Variants in CDH4 observed in about 807,000 individuals in gnomAD.
CDH4 encodes cadherin-4.
Under a neutral mutation model 86.0 loss-of-function variants are expected in CDH4, and 33 were observed. The observed-to-expected ratio is 0.38, with a 90% CI of 0.29 to 0.51. The LOEUF (loss-of-function observed/expected upper bound fraction) is 0.51. CDH4 is among the 20% of genes least tolerant of loss of function. The pLI, the probability that CDH4 is intolerant of heterozygous loss-of-function variation, is 0.86. For synonymous variants in CDH4, 555 were observed against 549.4 expected, an observed-to-expected ratio of 1.01 and a Z score of -0.14; for missense variants, 1,114 against 1,307.4, an observed-to-expected ratio of 0.85 and a Z score of 2.28.
intron 6 of CDH4, among the ~76,000 whole-genome samples, chr20:61,864,217 C>T (rs1983447363): frequency 6.6e-6 from 1 of 152,176 alleles, no homozygotes; most frequent in South Asian, 2.1e-4. Flanking sequence ...AGGGCCAGGG[C>T]AGGGCTGCTG....
chr20:61,800,326 G>A (rs917762495), intron 4 of CDH4, among the ~76,000 whole-genome samples: 4 of 152,192 alleles, frequency 2.6e-5, no homozygotes, highest in East Asian at 1.9e-4. Flanking sequence ...GCAGTTCTGC[G>A]TAGCCGACTC....
At chr20:61,729,411 T>G (rs2088152239) in intron 2 of CDH4, among the ~76,000 whole-genome samples, 1 of 152,202 alleles carries the variant, frequency 6.6e-6, no homozygotes, top group Non-Finnish European at 1.5e-5. Context: ...GGCCCCCTCT[T>G]CTGTATCTCC....
At chr20:61,318,899 G>A (rs76061779) in intron 2 of CDH4, among the ~76,000 whole-genome samples, 12,370 of 152,276 alleles carry the variant, frequency 0.081, 713 homozygotes, top group Non-Finnish European at 0.12. Context: ...CACAGATGCC[G>A]GTGGTAGAGA....
chr20:61,589,825 TAAA>T, intron 2 of CDH4, among the ~76,000 whole-genome samples: 1 of 133,388 alleles, frequency 7.5e-6, no homozygotes, highest in African/African-American at 2.7e-5. Flanking sequence ...TAATAATAAT[TAAA>T]AAAAAAAAAA....
At chr20:61,514,915 G>A (rs2085807396) in intron 2 of CDH4, among the ~76,000 whole-genome samples, 1 of 152,178 alleles carries the variant, frequency 6.6e-6, no homozygotes, top group Admixed American at 6.5e-5. Context: ...GAAGGGCCCA[G>A]GACCTCCCTG....
chr20:61,858,183 CTCTGTG>C (rs1394757506), intron 6 of CDH4, among the ~76,000 whole-genome samples: 6 of 106,494 alleles, frequency 5.6e-5, no homozygotes, highest in African/African-American at 1.1e-4. Flanking sequence ...CTGTGTGTGT[CTCTGTG>C]TGTGTCTCTG....
intron 2 of CDH4, among the ~76,000 whole-genome samples, chr20:61,737,083 G>A (rs1378492053): frequency 6.6e-6 from 1 of 152,098 alleles, no homozygotes; most frequent in Non-Finnish European, 1.5e-5. Flanking sequence ...CTCAGCATTC[G>A]TTGCTCCTCG....
At chr20:61,369,270 G>A (rs2084826835) in intron 2 of CDH4, among the ~76,000 whole-genome samples, 1 of 151,738 alleles carries the variant, frequency 6.6e-6, no homozygotes, top group South Asian at 2.1e-4. Context: ...GGCCAACATA[G>A]TGAAACCCCC....
chr20:61,481,697 C>G (rs2085569202), intron 2 of CDH4, among the ~76,000 whole-genome samples: 1 of 152,200 alleles, frequency 6.6e-6, no homozygotes, highest in Non-Finnish European at 1.5e-5. Flanking sequence ...TGGCTGCAAG[C>G]ACACACGGTA....
chr20:61,601,159 T>C (rs886638271), intron 2 of CDH4, among the ~76,000 whole-genome samples: 2 of 152,064 alleles, frequency 1.3e-5, no homozygotes, highest in African/African-American at 2.4e-5. Context: ...TCAGGGAGCT[T>C]TTACTCATAA....
intron 7 of CDH4, among the ~76,000 whole-genome samples, chr20:61,887,223 A>G (rs896159473): frequency 2.0e-5 from 3 of 152,142 alleles, no homozygotes; most frequent in African/African-American, 7.2e-5. Flanking sequence ...CCCTGCCTGG[A>G]CTTCAGAAGC....
rs113619409 is a variant in CDH4 at position 61,708,966 on chromosome 20, G to A, written c.170-34597G>A. ...CAAAAGGCTGTTCCTTCAGCCAGACGGACGGGCAGCAGACCTGCTCAGCCC... is the reference window on the plus strand; with the variant it reads ...CAAAAGGCTGTTCCTTCAGCCAGACAGACGGGCAGCAGACCTGCTCAGCCC... On this transcript the variant is annotated intron_variant, in intron 2 of 15. Transcript: ENST00000614565. The surrounding 1 kb of genome is among the most constrained non-coding windows in gnomAD (Gnocchi z 4.5). 0.012 allele frequency among the ~76,000 whole-genome samples: 1,823 copies of A among 152,334 alleles called. 31 individuals carry two copies. The highest frequency in any genetic ancestry group is 0.041 in the African/African-American group (1,693 of 41,584).
intron 2 of CDH4, among the ~76,000 whole-genome samples, chr20:61,476,574 T>C (rs990883814): frequency 5.3e-5 from 8 of 152,182 alleles, no homozygotes; most frequent in Non-Finnish European, 4.4e-5. Context: ...AGGCCCCCGG[T>C]GAGACACAGG....
intron 3 of CDH4, among the ~76,000 whole-genome samples, chr20:61,759,017 ATG>A (rs1309361106): frequency 5.3e-5 from 8 of 152,166 alleles, no homozygotes; most frequent in South Asian, 2.1e-4. Flanking sequence ...TTGTGAGTAT[ATG>A]TGTGTGCACA....
chr20:61,672,897 AGAG>A (rs1268510782), intron 2 of CDH4, among the ~76,000 whole-genome samples: 1 of 152,030 alleles, frequency 6.6e-6, no homozygotes, highest in Non-Finnish European at 1.5e-5. Context: ...AGAGGTGGGG[AGAG>A]GAGGAGGTCA....
At chr20:61,909,261 G>A (rs2054824517) in intron 8 of CDH4, among the ~76,000 whole-genome samples, 2 of 152,288 alleles carry the variant, frequency 1.3e-5, no homozygotes, top group Admixed American at 6.5e-5. Flanking sequence ...CCTGATCACA[G>A]CACCGTCACA....
At chr20:61,443,275 T>C (rs1403406493) in intron 2 of CDH4, among the ~76,000 whole-genome samples, 2 of 152,214 alleles carry the variant, frequency 1.3e-5, no homozygotes, top group Non-Finnish European at 1.5e-5. Flanking sequence ...GTCTTCCTTG[T>C]TATGCCGGAG....
At chr20:61,314,273 CTCCCCA>C (rs1376153769) in intron 2 of CDH4, among the ~76,000 whole-genome samples, 3 of 152,224 alleles carry the variant, frequency 2.0e-5, no homozygotes, top group Non-Finnish European at 4.4e-5. Context: ...CAGCTCCCCT[CTCCCCA>C]CTCCCAGCCC....
intron 2 of CDH4, among the ~76,000 whole-genome samples, chr20:61,263,209 G>C (rs904117116): frequency 2.6e-5 from 4 of 152,146 alleles, no homozygotes; most frequent in African/African-American, 9.7e-5. Context: ...GGCAAGCTGG[G>C]CTGGTAAAAT....
Sources: gnomAD v4.1 joint callset for allele counts (sites outside exome capture counted in the v4.1 genomes callset) on GRCh38, gnomAD v4.1.1 for gene constraint, Gnocchi (gnomAD v3.1) non-coding constraint, MANE v1.5 for transcripts, NCBI Gene and HGNC (gene_info 2026-07-23, HGNC 2026-07-21) for gene names.